The following ZNF423 variants were observed in gnomAD, a reference collection of about 807,000 sequenced individuals.
ZNF423 encodes the protein zinc finger protein 423, also known as Ebf-associated zinc finger protein.
In ZNF423, 12 loss-of-function variants were observed where a neutral mutation model predicts 95.8. The ratio of observed to expected loss-of-function variants is 0.13; its 90% CI spans 0.08 to 0.20. ZNF423 has a LOEUF of 0.20. Among genes scored for constraint, ZNF423 ranks in the 10% least tolerant of loss-of-function variants. The pLI is 1.00. For missense variants in ZNF423, 1,316 were observed against 1,737.1 expected (o/e 0.76, Z 4.31); for synonymous variants, 749 against 711.9 (o/e 1.05, Z -0.83).
intron 1 of ZNF423, among the ~76,000 whole-genome samples, chr16:49,831,436 G>A (rs769643119): frequency 1.3e-5 from 2 of 152,302 alleles, no homozygotes. Context: ...TTATTTACCA[G>A]GTTTGTGACC....
intron 3 of ZNF423, among the ~76,000 whole-genome samples, chr16:49,671,513 G>A (rs1350851191): frequency 1.3e-5 from 2 of 152,140 alleles, no homozygotes; most frequent in African/African-American, 4.8e-5. Context: ...AAGCAAACGA[G>A]CCCTCCCACC....
At chr16:49,809,064 C>T (rs756969280) in intron 1 of ZNF423, among the ~76,000 whole-genome samples, 2 of 152,256 alleles carry the variant, frequency 1.3e-5, no homozygotes, top group Non-Finnish European at 1.5e-5. Context: ...TAGCCCTGCA[C>T]GGCCCCACAC....
chr16:49,598,796 G>T (rs1179258870), intron 5 of ZNF423, among the ~76,000 whole-genome samples: 1 of 152,266 alleles, frequency 6.6e-6, no homozygotes. Flanking sequence ...GTGGTCGGGG[G>T]TGATGTTAGG....
intron 5 of ZNF423, among the ~76,000 whole-genome samples, chr16:49,572,478 C>A (rs1209156413): frequency 6.6e-6 from 1 of 152,150 alleles, no homozygotes; most frequent in Non-Finnish European, 1.5e-5. Context: ...GGCTGCAGCA[C>A]AAATTGGAAA....
At chr16:49,520,207 C>T (rs780278481) in intron 7 of ZNF423, among the ~76,000 whole-genome samples, 2 of 152,188 alleles carry the variant, frequency 1.3e-5, no homozygotes, top group African/African-American at 2.4e-5. Flanking sequence ...ACATCATGGG[C>T]CCTCCACATA....
At chr16:49,554,551 G>A (rs748665455) in intron 5 of ZNF423, among the ~76,000 whole-genome samples, 5 of 152,034 alleles carry the variant, frequency 3.3e-5, no homozygotes, top group Admixed American at 6.6e-5. Context: ...AGGACCAGTT[G>A]TTCTGAAAAT....
rs776265059 is a variant in ZNF423, at chr16:49,822,670, C to G, written c.40+33065G>C. ...TCAGCCCAAGGCCTCCCCTGCTCAC[C>G]CCTCTTCTTATGCATCCATGTCTTT... On this transcript the variant is annotated intron_variant, in intron 1 of 7. Transcript: ENST00000563137. The G allele has an allele frequency of 6.2e-7, 1 of 1,611,742 alleles. No homozygotes were observed. Among genetic ancestry groups the G allele is most frequent in the African/African-American group, 1.3e-5 (1 of 74,798 alleles).
intron 3 of ZNF423, among the ~76,000 whole-genome samples, chr16:49,697,764 T>G (rs2032027291): frequency 6.6e-6 from 1 of 152,260 alleles, no homozygotes; most frequent in South Asian, 2.1e-4. Context: ...TCCCAGCGTG[T>G]GCACGTTGTC....
intron 3 of ZNF423, among the ~76,000 whole-genome samples, chr16:49,671,146 T>C (rs2030788644): frequency 6.6e-6 from 1 of 152,216 alleles, no homozygotes; most frequent in Non-Finnish European, 1.5e-5. Flanking sequence ...AAGGCCCAGC[T>C]TCCCTCATTA....
intron 3 of ZNF423, among the ~76,000 whole-genome samples, chr16:49,719,874 A>G (rs2032815334): frequency 6.6e-6 from 1 of 152,192 alleles, no homozygotes; most frequent in African/African-American, 2.4e-5. Flanking sequence ...GTTTCTCAGG[A>G]ACGCACGAGA....
intron 5 of ZNF423, among the ~76,000 whole-genome samples, chr16:49,581,317 T>C (rs1970668574): frequency 6.6e-6 from 1 of 152,254 alleles, no homozygotes; most frequent in South Asian, 2.1e-4. Flanking sequence ...ATTACCTTAG[T>C]AATGGAAGCT....
At chr16:49,584,974 G>C (rs548824233) in intron 5 of ZNF423, among the ~76,000 whole-genome samples, 1 of 152,024 alleles carries the variant, frequency 6.6e-6, no homozygotes, top group Non-Finnish European at 1.5e-5. Flanking sequence ...CCTCCTCCCC[G>C]GCACTCACTT....
At chr16:49,702,931 A>ACG (rs1421367011) in intron 3 of ZNF423, among the ~76,000 whole-genome samples, 5 of 151,704 alleles carry the variant, frequency 3.3e-5, no homozygotes, top group African/African-American at 7.3e-5. Flanking sequence ...ACACACACAC[A>ACG]CACACACACA....
At chr16:49,556,098 A>C (rs1335365631) in intron 5 of ZNF423, among the ~76,000 whole-genome samples, 2 of 152,168 alleles carry the variant, frequency 1.3e-5, no homozygotes, top group African/African-American at 4.8e-5. Context: ...CTGAGTTTTC[A>C]AGCCCACAAG....
At chr16:49,738,270 G>T (rs1054762893) in intron 2 of ZNF423, among the ~76,000 whole-genome samples, 1 of 152,182 alleles carries the variant, frequency 6.6e-6, no homozygotes, top group African/African-American at 2.4e-5. Context: ...AATATGGGGT[G>T]GGCAAATGAG....
At chr16:49,516,804 C>G (rs1284984315) in intron 7 of ZNF423, among the ~76,000 whole-genome samples, 13 of 152,206 alleles carry the variant, frequency 8.5e-5, no homozygotes, top group Admixed American at 7.2e-4. Context: ...GCAGGGTGGA[C>G]AGCTGACCCA....
intron 3 of ZNF423, among the ~76,000 whole-genome samples, chr16:49,652,362 A>AG (rs1189681759): frequency 1.3e-5 from 2 of 152,056 alleles, no homozygotes; most frequent in African/African-American, 4.8e-5. Flanking sequence ...GGAAAAAAAA[A>AG]AAGCCAGTGC....
intron 2 of ZNF423, among the ~76,000 whole-genome samples, chr16:49,751,309 A>C (rs1374216764): frequency 6.6e-6 from 1 of 151,812 alleles, no homozygotes; most frequent in Non-Finnish European, 1.5e-5. Context: ...GCAGCCTCCA[A>C]CTCCTGGGCT....
chr16:49,714,852 C>A (rs747612129), intron 3 of ZNF423, among the ~76,000 whole-genome samples: 1 of 152,126 alleles, frequency 6.6e-6, no homozygotes. Context: ...GTTTGTCCCG[C>A]GGCCCCTGCT....
Sources: gnomAD v4.1 joint callset for allele counts (sites outside exome capture counted in the v4.1 genomes callset) on GRCh38, gnomAD v4.1.1 for gene constraint, MANE v1.5 for transcripts, NCBI Gene and HGNC (gene_info 2026-07-23, HGNC 2026-07-21) for gene names.